Variants in INSC observed in about 807,000 individuals in gnomAD.
INSC encodes INSC spindle orientation adaptor protein.
Under a neutral mutation model 58.6 loss-of-function variants are expected in INSC, and 67 were observed. The observed-to-expected ratio is 1.14, with a 90% CI of 0.94 to 1.40. The LOEUF is 1.40. Ranked by LOEUF, INSC falls within the 40% of genes most tolerant of loss-of-function variation. The pLI is 0.00. For missense variants in INSC, 714 were observed against 692.0 expected (o/e 1.03, Z -0.36); for synonymous variants, 262 against 276.1 (o/e 0.95, Z 0.51).
At position 15,190,708 on chromosome 11, in the gene INSC, T is replaced by C. The variant is rs1850133789; in HGVS notation, c.587T>C (p.Val196Ala). 3 of 1,611,788 alleles carry C rather than the reference T, an allele frequency of 1.9e-6. No individual in the cohort carries two copies. Among genetic ancestry groups the C allele is most frequent in the Admixed American group, 1.7e-5 (1 of 60,006 alleles). Reference sequence around the variant, plus strand: ...TTTTCTCTCTCTTCTTAGGCACTGGTGAGAAAAATTGATGCCTCAGACAAT... The same window carrying C: ...TTTTCTCTCTCTTCTTAGGCACTGGCGAGAAAAATTGATGCCTCAGACAAT... ...LALTREVQAL[V>A]RKIDASDNIY... The change falls in exon 6 of 13, where the codon GTG becomes GCG. Residue 196 changes from valine to alanine, a missense_variant. Transcript: ENST00000379556.
At chr11:15,191,221 C>T (rs186227900) in intron 6 of INSC, among the ~76,000 whole-genome samples, 342 of 152,188 alleles carry the variant, frequency 2.2e-3, no homozygotes, top group African/African-American at 7.9e-3. Flanking sequence ...TCTTGTGATC[C>T]GCCTGCCTCG....
chr11:15,225,764 T>G lies in INSC; in HGVS notation c.1106T>G (p.Ile369Ser), dbSNP rs61748860. 4.8e-3 allele frequency: 7,686 copies of G among 1,613,964 alleles called. 22 individuals are homozygous for G. The highest frequency in any genetic ancestry group is 5.2e-3 in the Non-Finnish European group (6,164 of 1,179,936). Residue 369 changes from isoleucine (I) to serine (S), a missense_variant, in exon 9 of 13, where the codon ATC becomes AGC. Physicochemically the swap from Ile to Ser is moderately radical, Grantham distance 142. Coordinates refer to ENST00000379556, the MANE Select transcript of INSC (RefSeq NM_001042536.3). ...GAGATGCTCCTGCAGTTGAATGCCA[T>G]CCGTGTTCTCCTGGAAGCCTGCAGT... The part of the protein sequence containing the change: ...ACEMLLQLNA[I>S]RVLLEACSDK...
At chr11:15,257,738 G>A in the INSC span, among the ~76,000 whole-genome samples, 1 of 152,136 alleles carries the variant, frequency 6.6e-6, no homozygotes, top group African/African-American at 2.4e-5. Context: ...ATGTGAAGCT[G>A]GAGTTATGCC....
At chr11:15,235,515 T>G (rs1852087749) in intron 9 of INSC, 87 bp from the exon 10 acceptor site, 3 of 996,988 alleles carry the variant, frequency 3.0e-6, no homozygotes, top group Non-Finnish European at 4.9e-6. Flanking sequence ...AAAGGAAGCT[T>G]TGTAGCCCCT....
chr11:15,215,795 G>A (rs927528360), intron 7 of INSC, among the ~76,000 whole-genome samples: 2 of 152,190 alleles, frequency 1.3e-5, no homozygotes, highest in African/African-American at 4.8e-5. Flanking sequence ...CCACAGTGAT[G>A]TGGCAATGGG....
intron 1 of INSC, among the ~76,000 whole-genome samples, chr11:15,126,727 A>G (rs1245104552): frequency 6.6e-6 from 1 of 152,232 alleles, no homozygotes; most frequent in Non-Finnish European, 1.5e-5. Flanking sequence ...TAAAATTTTA[A>G]GAAGAAGAAA....
chr11:15,188,325 A>G (rs1850047661), intron 5 of INSC: 2 of 985,318 alleles, frequency 2.0e-6, no homozygotes, highest in Non-Finnish European at 2.4e-6. Context: ...TTCAATCTCC[A>G]CTAGTCCAGG....
At chr11:15,139,699 G>A (rs1198473599) in intron 1 of INSC, among the ~76,000 whole-genome samples, 3 of 152,240 alleles carry the variant, frequency 2.0e-5, no homozygotes, top group Non-Finnish European at 4.4e-5. Context: ...AATGCTCAAG[G>A]TCACACAGCT....
At chr11:15,168,013 C>T (rs899941725) in intron 2 of INSC, among the ~76,000 whole-genome samples, 1 of 152,150 alleles carries the variant, frequency 6.6e-6, no homozygotes, top group Non-Finnish European at 1.5e-5. Flanking sequence ...TCTTCCTTTG[C>T]CCATAGCAGC....
At chr11:15,258,625 G>C in the INSC span, among the ~76,000 whole-genome samples, 1 of 152,286 alleles carries the variant, frequency 6.6e-6, no homozygotes. Context: ...AACCAGGAGA[G>C]ACTCAAGAAT....
intron 1 of INSC, among the ~76,000 whole-genome samples, chr11:15,118,653 T>C (rs2156828): frequency 0.58 from 88,452 of 151,990 alleles, 25,919 homozygotes; most frequent in African/African-American, 0.6. Flanking sequence ...AGAAAAGTGT[T>C]ATCTTAAAAA....
chr11:15,227,357 T>A (rs577495926), intron 9 of INSC, among the ~76,000 whole-genome samples: 1 of 152,320 alleles, frequency 6.6e-6, no homozygotes, highest in African/African-American at 2.4e-5. Flanking sequence ...GGGACATGAA[T>A]GTCTATATTG....
chr11:15,256,459 C>T, the INSC span, among the ~76,000 whole-genome samples: 18 of 150,990 alleles, frequency 1.2e-4, no homozygotes, highest in Admixed American at 5.3e-4. Flanking sequence ...TTGGCACTTT[C>T]GTATGGCAGT....
At chr11:15,224,880 G>T (rs141686631) in intron 8 of INSC, among the ~76,000 whole-genome samples, 1 of 152,216 alleles carries the variant, frequency 6.6e-6, no homozygotes, top group Non-Finnish European at 1.5e-5. Flanking sequence ...ACATTCAGGA[G>T]CTTGGTATAG....
At chr11:15,172,061 C>G (rs1849420142) in intron 2 of INSC, among the ~76,000 whole-genome samples, 1 of 152,084 alleles carries the variant, frequency 6.6e-6, no homozygotes, top group Non-Finnish European at 1.5e-5. Context: ...GGTAGCCATC[C>G]CAAGAGGTAG....
At position 15,188,998 on chromosome 11, in the gene INSC, C is replaced by T. The variant is rs901494990; in HGVS notation, c.580-1703C>T. On this transcript the variant is annotated intron_variant, in intron 5 of 12. Coordinates refer to ENST00000379556, the MANE Select transcript of INSC (RefSeq NM_001042536.3). ...CTTTTGTTGAATCTCTAACAAGAGG[C>T]ATCTGTCAAAACTTAGAGCATAATT... Among the ~76,000 whole-genome samples, 5 of 152,154 alleles carry T rather than the reference C, an allele frequency of 3.3e-5. 1 individual carries two copies. Among genetic ancestry groups the T allele is most frequent in the Admixed American group, 1.3e-4 (2 of 15,274 alleles).
At chr11:15,264,000 T>C in the INSC span, among the ~76,000 whole-genome samples, 1 of 151,576 alleles carries the variant, frequency 6.6e-6, no homozygotes, top group East Asian at 1.9e-4. Flanking sequence ...CGGCTACTGC[T>C]GCGTATCTCT....
At chr11:15,204,305 G>T (rs1302962385) in intron 7 of INSC, among the ~76,000 whole-genome samples, 1 of 152,238 alleles carries the variant, frequency 6.6e-6, no homozygotes, top group Non-Finnish European at 1.5e-5. Context: ...AGGCAGTAAT[G>T]TAATTCCAGC....
chr11:15,206,124 C>T (rs952273647), intron 7 of INSC, among the ~76,000 whole-genome samples: 1 of 152,206 alleles, frequency 6.6e-6, no homozygotes, highest in Non-Finnish European at 1.5e-5. Context: ...ATTCCCTACC[C>T]CTATGCTGGG....
Sources: gnomAD v4.1 joint callset for allele counts (sites outside exome capture counted in the v4.1 genomes callset) on GRCh38, gnomAD v4.1.1 for gene constraint, MANE v1.5 for transcripts, NCBI Gene and HGNC (gene_info 2026-07-23, HGNC 2026-07-21) for gene names.